MYO15A: variants seen among roughly 807,000 people sequenced by gnomAD.
The protein encoded by MYO15A is unconventional myosin-XV.
A neutral mutation model predicts 394.6 loss-of-function variants in MYO15A; 308 were observed. The ratio of observed to expected loss-of-function variants is 0.78; its 90% CI spans 0.71 to 0.86. The LOEUF (loss-of-function observed/expected upper bound fraction) is 0.86. MYO15A is among the 40% of genes least tolerant of loss of function. The probability of loss-of-function intolerance (pLI) is 0.00; values close to 1 mark genes in which losing one functional copy is unlikely to be tolerated. For missense variants in MYO15A, 4,606 were observed against 4,799.1 expected (o/e 0.96, Z 1.19); for synonymous variants, 1,957 against 2,003.8 (o/e 0.98, Z 0.62).
In MYO15A at chr17:18,133,257, T is replaced by C; in HGVS notation, c.4353T>C (p.Asp1451=). The change falls in exon 12 of 66, where the codon GAT becomes GAC. Residue 1451 remains aspartate, a synonymous_variant. Transcript: ENST00000647165. ...GGNCEIAGKS[D]ADDFRRLLAA... ...ACTGTGAGATAGCAGGAAAGAGCGA[T>C]GCAGATGACTTTCGCCGGCTCCTGG... 1 of 1,614,176 alleles carries C rather than the reference T, an allele frequency of 6.2e-7. No homozygotes were observed. The highest frequency in any genetic ancestry group is 8.5e-7 in the Non-Finnish European group (1 of 1,180,018).
chr17:18,161,521 G>A, intron 57 of MYO15A, 74 bp downstream of exon 57: 1 of 1,598,324 alleles, frequency 6.3e-7, no homozygotes, highest in Non-Finnish European at 8.5e-7. Flanking sequence ...CTGGTGGGAG[G>A]GGAAACCCAG....
At chr17:18,173,063 G>A (rs965374408) in intron 64 of MYO15A, among the ~76,000 whole-genome samples, 1 of 152,200 alleles carries the variant, frequency 6.6e-6, no homozygotes, top group African/African-American at 2.4e-5. Context: ...GATGGAGCCA[G>A]TAGAGGGGGT....
intron 45 of MYO15A, 85 bp downstream of exon 45, chr17:18,154,840 C>G (rs2046646855): frequency 7.0e-7 from 1 of 1,437,288 alleles, no homozygotes; most frequent in African/African-American, 1.4e-5. Flanking sequence ...CTGAGGCTGA[C>G]AAGCCCAGGC....
intron 64 of MYO15A, 139 bp from the exon 65 acceptor site, chr17:18,173,642 C>G: frequency 8.6e-7 from 1 of 1,157,880 alleles, no homozygotes; most frequent in African/African-American, 1.5e-5. Context: ...CTCAAGGTCA[C>G]GCAAGTCACT....
Position 18,121,203 on chromosome 17 carries a change from G to A in MYO15A, c.2403G>A (p.Leu801=), listed in dbSNP as rs1446635507. ...CGCCCCCGTCGCCTCAGCTGTCCTT[G>A]CGCACGGGCCCCTTCCAGCCGCCCT... The part of the protein sequence containing the change: ...PLAPPSPQLS[L]RTGPFQPPFL... Residue 801 remains leucine (L), a synonymous_variant, in exon 2 of 66, where the codon TTG becomes TTA. Transcript: ENST00000647165. This position sits in a 1 kb window ranked among gnomAD's most constrained non-coding sequence, Gnocchi z 5.3. 6.6e-7 allele frequency: 1 copy of A among 1,504,062 alleles called. No individual in the cohort carries two copies. The highest frequency in any genetic ancestry group is 2.0e-5 in the Admixed American group (1 of 49,290). The allele number at this position is 1,504,062 out of a possible 1,614,324, so 93.2% of individuals were successfully genotyped here.
chr17:18,163,624 C>A, intron 59 of MYO15A, 118 bp from the exon 60 acceptor site: 1 of 921,610 alleles, frequency 1.1e-6, no homozygotes, highest in Non-Finnish European at 1.7e-6. Context: ...GAGGATTGTG[C>A]GCCTTTGTGA....
In MYO15A at chr17:18,178,819, T is replaced by C. The variant is rs943010939; in HGVS notation, c.10542T>C (p.Ser3514=). ...CCGTGCACGTGGAGAACCTGCTCAG[T>C]GCCCATGAGAAGCGGCTCACATTGC... ...VVAVHVENLL[S]AHEKRLTLPP... Residue 3514 remains serine (S), a synonymous_variant, in exon 66 of 66, where the codon AGT becomes AGC. Transcript: ENST00000647165. 31 of 1,613,924 alleles carry C rather than the reference T, an allele frequency of 1.9e-5. No individual in the cohort carries two copies. Among genetic ancestry groups the C allele is most frequent in the Non-Finnish European group, 2.6e-5 (31 of 1,180,006 alleles).
chr17:18,119,146 G>C lies in MYO15A; in HGVS notation c.346G>C (p.Gly116Arg), dbSNP rs1567618358. ...GGTGATCCGCTTCCCAGGCCGCCGT[G>C]GCTACGGCCGCCTGCGGCCGCGCGC... ...FMVIRFPGRR[G>R]YGRLRPRARS... Residue 116 changes from glycine to arginine, a missense_variant, in exon 2 of 66, where the codon GGC (glycine) becomes CGC (arginine). Around this residue, in one of 2 missense-constraint regions of MYO15A, gnomAD observed 1,830 missense variants for 1,689.7 expected, o/e 1.08. Transcript: ENST00000647165. 2 of 1,611,294 alleles carry C rather than the reference G, an allele frequency of 1.2e-6. No homozygotes were observed. Among genetic ancestry groups the C allele is most frequent in the East Asian group, 2.2e-5 (1 of 44,848 alleles).
Position 18,126,465 on chromosome 17 carries a change from C to T in MYO15A, c.3866+9C>T, listed in dbSNP as rs1354137091. The T allele has an allele frequency of 1.2e-6, 2 of 1,612,320 alleles. No homozygotes were observed. On this transcript the variant is annotated intron_variant, in intron 5 of 65. Coordinates refer to ENST00000647165, the MANE Select transcript of MYO15A (RefSeq NM_016239.4). ...CTGGGAGAGAATCCCCCGTGAGTGTCTCGGGGGCGCTGCCCTGGGGTCTCT... is the reference window on the plus strand; with the variant it reads ...CTGGGAGAGAATCCCCCGTGAGTGTTTCGGGGGCGCTGCCCTGGGGTCTCT...
At chr17:18,176,021 G>T (rs953843376) in intron 65 of MYO15A, among the ~76,000 whole-genome samples, 1 of 151,998 alleles carries the variant, frequency 6.6e-6, no homozygotes, top group Non-Finnish European at 1.5e-5. Context: ...CCTTTATTTG[G>T]GTTTCAGCAC....
At chr17:18,166,086 C>T (rs1289922088) in intron 60 of MYO15A, among the ~76,000 whole-genome samples, 1 of 152,252 alleles carries the variant, frequency 6.6e-6, no homozygotes, top group Non-Finnish European at 1.5e-5. Flanking sequence ...TCAGGAGCCC[C>T]TCTTTCCCCA....
intron 61 of MYO15A, 48 bp from the exon 62 acceptor site, chr17:18,167,542 C>T (rs2046871582): frequency 1.3e-6 from 2 of 1,599,022 alleles, no homozygotes; most frequent in Admixed American, 3.3e-5. Flanking sequence ...AGCCAAGTGC[C>T]TGCACGCGTG....
chr17:18,147,972 C>A lies in MYO15A; in HGVS notation c.6510-57C>A. On this transcript the variant is annotated intron_variant, in intron 30 of 65. Transcript: ENST00000647165. This position sits in a 1 kb window ranked among gnomAD's most constrained non-coding sequence, Gnocchi z 4.4. The stretch of plus-strand genomic sequence containing the variant: ...TTTCCTACCCCCACCCCGCAGCCCT[C>A]AGCCCCAAGCTAGCTTCAGATCCTT... 6.2e-7 allele frequency: 1 copy of A among 1,608,506 alleles called. No homozygotes were observed. Among genetic ancestry groups the A allele is most frequent in the Non-Finnish European group, 8.5e-7 (1 of 1,175,520 alleles).
At chr17:18,178,699 T>C in intron 65 of MYO15A, 70 bp from the exon 66 acceptor site, 4 of 1,466,400 alleles carry the variant, frequency 2.7e-6, no homozygotes, top group Non-Finnish European at 3.8e-6. Context: ...CTCTCCATTC[T>C]GTACTTCCCA....
chr17:18,171,918 T>C, intron 63 of MYO15A, 147 bp downstream of exon 63: 2 of 1,390,246 alleles, frequency 1.4e-6, no homozygotes, highest in Non-Finnish European at 1.9e-6. Flanking sequence ...AGAAAACATG[T>C]CTTTACATTA....
At position 18,163,233 on chromosome 17, in the gene MYO15A, A is replaced by T. The variant is rs1411950593; in HGVS notation, c.9613-11A>T. Reference sequence around the variant, plus strand: ...CCAACCTGTCATCCCTCTCCCACCTATCTACCCCAGGCAGGCCGCAGTTCC... The same window carrying T: ...CCAACCTGTCATCCCTCTCCCACCTTTCTACCCCAGGCAGGCCGCAGTTCC... On this transcript the variant is annotated splice_polypyrimidine_tract_variant and intron_variant, in intron 58 of 65. Coordinates refer to ENST00000647165, the MANE Select transcript of MYO15A (RefSeq NM_016239.4). 2 of 1,613,914 alleles carry T rather than the reference A, an allele frequency of 1.2e-6. No individual in the cohort carries two copies. Among genetic ancestry groups the T allele is most frequent in the East Asian group, 2.2e-5 (1 of 44,866 alleles).
At position 18,140,582 on chromosome 17, in the gene MYO15A, C is replaced by T. The variant is rs1297867173; in HGVS notation, c.5277C>T (p.Ser1759=). Residue 1759 remains serine, a synonymous_variant, in exon 20 of 66, where the codon AGC becomes AGT. Transcript: ENST00000647165. ...CCCCTCAGCGCCTGGGCAAGAGCAG[C>T]TCCGTCACTCGGCTCTACAAGGCGC... ...QAAPQRLGKS[S]SVTRLYKAHT... 6.2e-7 allele frequency: 1 copy of T among 1,613,758 alleles called. No individual in the cohort carries two copies. Among genetic ancestry groups the T allele is most frequent in the South Asian group, 1.1e-5 (1 of 91,090 alleles).
chr17:18,171,210 G>T (rs777601816), intron 62 of MYO15A, among the ~76,000 whole-genome samples: 1 of 152,180 alleles, frequency 6.6e-6, no homozygotes, highest in Non-Finnish European at 1.5e-5. Flanking sequence ...TCTGCTCAAG[G>T]TTCTGCACAG....
intron 61 of MYO15A, among the ~76,000 whole-genome samples, chr17:18,167,129 A>G (rs752055230): frequency 7.2e-5 from 11 of 152,232 alleles, no homozygotes; most frequent in East Asian, 1.9e-4. Flanking sequence ...TGTGCAGTCC[A>G]GCACCATGCT....
Sources: allele counts gnomAD v4.1 joint callset (sites outside exome capture counted in the v4.1 genomes callset), GRCh38; gene constraint gnomAD v4.1.1; regional missense constraint gnomAD v4.1.1; non-coding constraint Gnocchi (gnomAD v3.1); transcripts MANE v1.5; gene names NCBI Gene and HGNC (gene_info 2026-07-23, HGNC 2026-07-21).